ADARB2: variants seen among roughly 807,000 people sequenced by gnomAD.
ADARB2 encodes adenosine deaminase RNA specific B2 (inactive), also known as inactive double-stranded RNA-specific editase B2.
Under a neutral mutation model 62.2 loss-of-function variants are expected in ADARB2, and 25 were observed. That is an observed-to-expected ratio of 0.40 (90% CI 0.29 to 0.56). The LOEUF (loss-of-function observed/expected upper bound fraction) is 0.56, where lower values mean the gene tolerates loss of function less well. ADARB2 is among the 20% of genes least tolerant of loss of function. ADARB2 has a pLI of 0.43. For missense variants in ADARB2, 1,071 were observed against 1,077.4 expected, an observed-to-expected ratio of 0.99 and a Z score of 0.08; for synonymous variants, 572 against 500.8, an observed-to-expected ratio of 1.14 and a Z score of -1.90.
At chr10:1,339,117 G>T (rs959104513) in intron 3 of ADARB2, among the ~76,000 whole-genome samples, 1 of 152,188 alleles carries the variant, frequency 6.6e-6, no homozygotes, top group African/African-American at 2.4e-5. Context: ...CACACTAGCC[G>T]GGTTGCTCGG....
chr10:1,190,565 G>A (rs1419529612), intron 8 of ADARB2, among the ~76,000 whole-genome samples: 1 of 152,200 alleles, frequency 6.6e-6, no homozygotes, highest in Non-Finnish European at 1.5e-5. Flanking sequence ...GAAGTCTGAA[G>A]GTGTGGGCAG....
intron 8 of ADARB2, among the ~76,000 whole-genome samples, chr10:1,189,030 C>T (rs1168644673): frequency 6.6e-6 from 1 of 150,682 alleles, no homozygotes; most frequent in Non-Finnish European, 1.5e-5. Context: ...CATGGAAGGG[C>T]CATGGCCTCG....
chr10:1,490,182 A>C (rs1034126731), intron 1 of ADARB2, among the ~76,000 whole-genome samples: 2 of 152,226 alleles, frequency 1.3e-5, no homozygotes, highest in Non-Finnish European at 2.9e-5. Flanking sequence ...CTTTAGTGGA[A>C]GGCTTCACCC....
intron 1 of ADARB2, among the ~76,000 whole-genome samples, chr10:1,443,832 T>C (rs1438155529): frequency 6.6e-6 from 1 of 152,222 alleles, no homozygotes; most frequent in Non-Finnish European, 1.5e-5. Context: ...GATTATCTTT[T>C]TCTGGAGAGT....
chr10:1,646,651 C>A (rs936767938), intron 1 of ADARB2, among the ~76,000 whole-genome samples: 1 of 152,232 alleles, frequency 6.6e-6, no homozygotes. Context: ...GACTCAAATC[C>A]GAACTTGCAA....
intron 1 of ADARB2, among the ~76,000 whole-genome samples, chr10:1,439,889 T>A (rs1397956343): frequency 7.1e-6 from 1 of 140,972 alleles, no homozygotes; most frequent in African/African-American, 2.7e-5. Flanking sequence ...GGTCCTTCAC[T>A]ATGGGGCTCC....
chr10:1,387,309 C>G (rs1287724748), intron 1 of ADARB2, among the ~76,000 whole-genome samples: 1 of 151,338 alleles, frequency 6.6e-6, no homozygotes, highest in Non-Finnish European at 1.5e-5. Flanking sequence ...GGAAAAAACC[C>G]TAATGAAGCA....
At chr10:1,471,823 A>G (rs192738935) in intron 1 of ADARB2, among the ~76,000 whole-genome samples, 3 of 152,310 alleles carry the variant, frequency 2.0e-5, no homozygotes, top group Non-Finnish European at 2.9e-5. Context: ...GCCTTCACGA[A>G]TTTATGGCCG....
intron 3 of ADARB2, among the ~76,000 whole-genome samples, chr10:1,328,198 C>T (rs1055833495): frequency 1.2e-4 from 18 of 152,120 alleles, no homozygotes; most frequent in Non-Finnish European, 2.2e-4. Flanking sequence ...ACACCCATGA[C>T]GTGGAGATGA....
At chr10:1,583,609 C>T (rs7912485) in intron 1 of ADARB2, among the ~76,000 whole-genome samples, 84,235 of 152,022 alleles carry the variant, frequency 0.55, 23,626 homozygotes, top group Middle Eastern at 0.61. Context: ...GAGAGAAATT[C>T]CATGTTCATG....
chr10:1,269,051 G>A (rs2131797664), intron 4 of ADARB2, among the ~76,000 whole-genome samples: 1 of 152,256 alleles, frequency 6.6e-6, no homozygotes, highest in East Asian at 1.9e-4. Flanking sequence ...TGCCTCTGGG[G>A]CTGGAAGTGC....
intron 1 of ADARB2, among the ~76,000 whole-genome samples, chr10:1,720,710 CG>C (rs1835080058): frequency 6.6e-6 from 1 of 152,082 alleles, no homozygotes; most frequent in African/African-American, 2.4e-5. Context: ...CAGGAGCATG[CG>C]GGGGCCTCTG....
intron 3 of ADARB2, among the ~76,000 whole-genome samples, chr10:1,299,717 C>A (rs117519496): frequency 0.02 from 2,973 of 152,310 alleles, 49 homozygotes; most frequent in Middle Eastern, 0.037. Context: ...AGGGACTCTT[C>A]TGCCCCTGGG....
intron 4 of ADARB2, among the ~76,000 whole-genome samples, chr10:1,258,740 C>G (rs990818905): frequency 3.3e-5 from 5 of 152,120 alleles, no homozygotes; most frequent in South Asian, 2.1e-4. Flanking sequence ...GACAGATCAA[C>G]GAGACATAAA....
chr10:1,320,621 A>G (rs995968220), intron 3 of ADARB2, among the ~76,000 whole-genome samples: 5 of 152,236 alleles, frequency 3.3e-5, no homozygotes, highest in Admixed American at 2.6e-4. Flanking sequence ...TTTTTCCACA[A>G]TGAATTATTT....
At chr10:1,299,067 T>A (rs2387644) in intron 3 of ADARB2, among the ~76,000 whole-genome samples, 66,479 of 151,530 alleles carry the variant, frequency 0.44, 16,165 homozygotes, top group East Asian at 0.69. Flanking sequence ...TTATTTGATG[T>A]TGGATAATGA....
chr10:1,535,920 G>A (rs879116203), intron 1 of ADARB2, among the ~76,000 whole-genome samples: 57 of 151,942 alleles, frequency 3.8e-4, no homozygotes, highest in Non-Finnish European at 1.6e-4. Context: ...GCCCTCTCTC[G>A]TCCCAGTCTT....
At chr10:1,412,786 G>A (rs534094723) in intron 1 of ADARB2, among the ~76,000 whole-genome samples, 6 of 152,182 alleles carry the variant, frequency 3.9e-5, no homozygotes, top group Non-Finnish European at 5.9e-5. Flanking sequence ...GGGAAGCTAC[G>A]TTGCTTCTCT....
chr10:1,306,007 G>A (rs1319443482), intron 3 of ADARB2, among the ~76,000 whole-genome samples: 1 of 152,210 alleles, frequency 6.6e-6, no homozygotes, highest in South Asian at 2.1e-4. Flanking sequence ...CAGTGAGAGG[G>A]ATGCCCTATC....
Sources: gnomAD v4.1 joint callset for allele counts (sites outside exome capture counted in the v4.1 genomes callset) on GRCh38, gnomAD v4.1.1 for gene constraint, MANE v1.5 for transcripts, NCBI Gene and HGNC (gene_info 2026-07-23, HGNC 2026-07-21) for gene names.